The following SEMA6D variants were observed in gnomAD, a reference collection of about 807,000 sequenced individuals.
SEMA6D encodes the protein semaphorin 6D, also known as semaphorin-6D.
Under a neutral mutation model 106.6 loss-of-function variants are expected in SEMA6D, and 35 were observed. The observed-to-expected ratio is 0.33, with a 90% CI of 0.25 to 0.44. The LOEUF (loss-of-function observed/expected upper bound fraction) is 0.44, where lower values mean the gene tolerates loss of function less well. Among genes scored for constraint, SEMA6D ranks in the 20% least tolerant of loss-of-function variants. The pLI is 1.00. For synonymous variants in SEMA6D, 499 were observed against 487.7 expected, an observed-to-expected ratio of 1.02 and a Z score of -0.31; for missense variants, 1,185 against 1,345.9, an observed-to-expected ratio of 0.88 and a Z score of 1.87.
At chr15:47,652,727 A>G (rs1202606879) in intron 4 of SEMA6D, among the ~76,000 whole-genome samples, 1 of 152,216 alleles carries the variant, frequency 6.6e-6, no homozygotes, top group Non-Finnish European at 1.5e-5. Flanking sequence ...AGCAAGGTCC[A>G]AAGGAAGGTT....
At chr15:47,464,088 A>G (rs1567097611) in intron 2 of SEMA6D, among the ~76,000 whole-genome samples, 1 of 152,138 alleles carries the variant, frequency 6.6e-6, no homozygotes, top group Non-Finnish European at 1.5e-5. Context: ...ATTTTGCTAT[A>G]TAAGGTAATA....
intron 1 of SEMA6D, chr15:47,730,378 T>G (rs1234910908): frequency 6.9e-7 from 1 of 1,446,546 alleles, no homozygotes; most frequent in East Asian, 2.3e-5. Flanking sequence ...GTCCCAGTCT[T>G]GCCTTCCCCT....
At chr15:47,631,475 A>C (rs2144513723) in intron 4 of SEMA6D, among the ~76,000 whole-genome samples, 1 of 152,056 alleles carries the variant, frequency 6.6e-6, no homozygotes, top group African/African-American at 2.4e-5. Flanking sequence ...ATGAAAGAAA[A>C]AGGAAAAAAA....
At chr15:47,193,499 T>A (rs556813804) in intron 1 of SEMA6D, among the ~76,000 whole-genome samples, 2 of 152,332 alleles carry the variant, frequency 1.3e-5, no homozygotes, top group African/African-American at 4.8e-5. Flanking sequence ...CTGAACCTTA[T>A]GTTTTAGCTG....
Position 47,244,727 on chromosome 15 carries a change from A to G in SEMA6D, c.-239+60309A>G, listed in dbSNP as rs116804868. Among the ~76,000 whole-genome samples the G allele has an allele frequency of 6.2e-3, 942 of 152,248 alleles. 10 individuals are homozygous for G. Among genetic ancestry groups the G allele is most frequent in the African/African-American group, 0.018 (766 of 41,536 alleles). ...AACTTTTATTTTAGATTCAGGGGGT[A>G]TATGTGCATGTTTGATACATGGGTA... On this transcript the variant is annotated intron_variant, in intron 1 of 19. Coordinates refer to the SEMA6D transcript ENST00000558014.
intron 3 of SEMA6D, among the ~76,000 whole-genome samples, chr15:47,546,937 G>A (rs2045541974): frequency 6.6e-6 from 1 of 152,110 alleles, no homozygotes; most frequent in Admixed American, 6.6e-5. Context: ...TAGTGCTTGT[G>A]CATCAAGAGC....
chr15:47,348,727 C>CCACACACACAGAGAGAGAGAGAGAGAGAG (rs1555425939), intron 1 of SEMA6D, among the ~76,000 whole-genome samples: 2 of 57,054 alleles, frequency 3.5e-5, no homozygotes, highest in Non-Finnish European at 8.0e-5. Context: ...ACCACACACA[C>CCACACACACAGAGAGAGAGAGAGAGAGAG]AGAGAGAGAG....
intron 4 of SEMA6D, among the ~76,000 whole-genome samples, chr15:47,664,651 A>G (rs1053495558): frequency 1.3e-5 from 2 of 152,134 alleles, no homozygotes; most frequent in African/African-American, 4.8e-5. Context: ...CCTTGGTCCT[A>G]CTTTCTGCCT....
intron 1 of SEMA6D, among the ~76,000 whole-genome samples, chr15:47,386,145 G>T (rs2039831794): frequency 6.6e-6 from 1 of 152,046 alleles, no homozygotes; most frequent in South Asian, 2.1e-4. Context: ...AGGTTCAAGG[G>T]GCTCAACATC....
intron 1 of SEMA6D, among the ~76,000 whole-genome samples, chr15:47,200,277 G>A (rs755729848): frequency 6.6e-6 from 1 of 152,162 alleles, no homozygotes; most frequent in African/African-American, 2.4e-5. Flanking sequence ...TTATTAGCTT[G>A]TTGGGAAGAA....
At chr15:47,313,511 T>G (rs1308276379) in intron 1 of SEMA6D, among the ~76,000 whole-genome samples, 1 of 152,230 alleles carries the variant, frequency 6.6e-6, no homozygotes, top group Non-Finnish European at 1.5e-5. Flanking sequence ...ATGTATCCAT[T>G]TACCTATTGA....
chr15:47,754,127 C>T (rs759690774), intron 1 of SEMA6D, among the ~76,000 whole-genome samples: 2 of 152,182 alleles, frequency 1.3e-5, no homozygotes, highest in African/African-American at 4.8e-5. Flanking sequence ...TATGATGGCT[C>T]ATGGCTGTAA....
At chr15:47,513,278 A>G (rs1188746404) in intron 3 of SEMA6D, among the ~76,000 whole-genome samples, 2 of 152,134 alleles carry the variant, frequency 1.3e-5, no homozygotes, top group African/African-American at 2.4e-5. Context: ...AAATTATATT[A>G]TAATATTAAT....
intron 1 of SEMA6D, among the ~76,000 whole-genome samples, chr15:47,296,538 AT>A (rs1258466267): frequency 6.6e-6 from 1 of 152,220 alleles, no homozygotes; most frequent in Non-Finnish European, 1.5e-5. Context: ...GAAACAGAAA[AT>A]AAAGCAAGGG....
At chr15:47,293,084 T>C (rs1487274631) in intron 1 of SEMA6D, among the ~76,000 whole-genome samples, 1 of 152,136 alleles carries the variant, frequency 6.6e-6, no homozygotes, top group Non-Finnish European at 1.5e-5. Flanking sequence ...ATGTCTAATT[T>C]GGGACTCTGG....
At chr15:47,637,883 C>A (rs1377080466) in intron 4 of SEMA6D, among the ~76,000 whole-genome samples, 1 of 152,148 alleles carries the variant, frequency 6.6e-6, no homozygotes, top group Non-Finnish European at 1.5e-5. Context: ...CTAATGAAAT[C>A]CCCAGACAAC....
At chr15:47,356,097 T>C in intron 1 of SEMA6D, among the ~76,000 whole-genome samples, 1 of 152,366 alleles carries the variant, frequency 6.6e-6, no homozygotes, top group African/African-American at 2.4e-5. Context: ...GTCTTCCCTC[T>C]TTTGTTTTTT....
chr15:47,441,516 G>C (rs893381587), intron 2 of SEMA6D, among the ~76,000 whole-genome samples: 2 of 152,046 alleles, frequency 1.3e-5, no homozygotes, highest in African/African-American at 4.8e-5. Context: ...ACAATAGCTT[G>C]ATGTACCATT....
At chr15:47,412,421 A>G (rs2040829216) in exon 2 of SEMA6D, 1 of 152,638 alleles carries the variant, frequency 6.6e-6, no homozygotes, top group African/African-American at 2.4e-5. Flanking sequence ...ATGCCAGTTG[A>G]CATGGGAACA....
Sources: allele counts gnomAD v4.1 joint callset (sites outside exome capture counted in the v4.1 genomes callset), GRCh38; gene constraint gnomAD v4.1.1; transcripts MANE v1.5; gene names NCBI Gene and HGNC (gene_info 2026-07-23, HGNC 2026-07-21).